Variants in TCF7L1 observed in about 807,000 individuals in gnomAD.
The protein encoded by TCF7L1 is transcription factor 7 like 1, also known as transcription factor 7-like 1.
A neutral mutation model predicts 63.7 loss-of-function variants in TCF7L1; 18 were observed. That is an observed-to-expected ratio of 0.28 (90% CI 0.20 to 0.42). TCF7L1 has a LOEUF of 0.42. Ranked by LOEUF, TCF7L1 falls within the 10% of genes least tolerant of loss-of-function variation. The pLI is 1.00. For missense variants in TCF7L1, 654 were observed against 779.3 expected, an observed-to-expected ratio of 0.84 and a Z score of 1.91; for synonymous variants, 355 against 340.9, an observed-to-expected ratio of 1.04 and a Z score of -0.46.
chr2:85,294,327 C>T (rs1368781240), intron 4 of TCF7L1, among the ~76,000 whole-genome samples: 6 of 152,090 alleles, frequency 3.9e-5, no homozygotes, highest in Non-Finnish European at 7.4e-5. Context: ...TGAGCCACCA[C>T]GCCTGGCCGA....
chr2:85,276,519 T>C (rs973268163), intron 3 of TCF7L1, among the ~76,000 whole-genome samples: 4 of 152,226 alleles, frequency 2.6e-5, no homozygotes, highest in South Asian at 2.1e-4. Context: ...AAATGAAAAA[T>C]GTGAAGAAGC....
intron 3 of TCF7L1, among the ~76,000 whole-genome samples, chr2:85,267,604 G>A (rs1260992725): frequency 8.9e-5 from 13 of 145,962 alleles, no homozygotes; most frequent in African/African-American, 2.5e-4. Flanking sequence ...AGCCAAGATC[G>A]CACCATTGCA....
rs575367683 is a variant in TCF7L1 at position 85,306,662 on chromosome 2, A to C, written c.1257+103A>C. The C allele has an allele frequency of 8.0e-4, 759 of 944,762 alleles. 2 individuals carry two copies. Among genetic ancestry groups the C allele is most frequent in the Non-Finnish European group, 1.1e-3 (693 of 643,998 alleles). 58.5% of individuals were successfully genotyped at this position (944,762 alleles called of 1,614,324 possible). On this transcript the variant is annotated intron_variant, in intron 10 of 11. Transcript: ENST00000282111. This position sits in a 1 kb window ranked among gnomAD's most constrained non-coding sequence, Gnocchi z 4.3. ...AACTGCATTTATTTTTATTTATTTT[A>C]TTTTCTTTTATTTTTTGAGACAGAG...
At chr2:85,147,318 C>T (rs1156260554) in intron 3 of TCF7L1, among the ~76,000 whole-genome samples, 2 of 152,144 alleles carry the variant, frequency 1.3e-5, no homozygotes, top group Middle Eastern at 3.2e-3. Flanking sequence ...AATACTCTCA[C>T]CCTGTCCTCA....
At chr2:85,140,440 G>T (rs1677699731) in intron 3 of TCF7L1, among the ~76,000 whole-genome samples, 1 of 150,762 alleles carries the variant, frequency 6.6e-6, no homozygotes, top group African/African-American at 2.5e-5. Context: ...CATTGGGTAA[G>T]GTAGGAGAAG....
chr2:85,236,559 G>A (rs1438400980), intron 3 of TCF7L1, among the ~76,000 whole-genome samples: 1 of 152,188 alleles, frequency 6.6e-6, no homozygotes, highest in African/African-American at 2.4e-5. Flanking sequence ...GTGAGAGACA[G>A]GTGCTGGGCT....
At chr2:85,289,966 G>T (rs925934201) in intron 4 of TCF7L1, among the ~76,000 whole-genome samples, 1 of 127,996 alleles carries the variant, frequency 7.8e-6, no homozygotes, top group Non-Finnish European at 1.6e-5. Context: ...GAGCCACCAC[G>T]CCTAGCCCAG....
intron 3 of TCF7L1, among the ~76,000 whole-genome samples, chr2:85,146,308 C>T (rs907908085): frequency 6.6e-6 from 1 of 152,112 alleles, no homozygotes; most frequent in Non-Finnish European, 1.5e-5. Flanking sequence ...AGCATTCCAG[C>T]TGTGGGGGAT....
rs144471708 is a variant in TCF7L1, at chr2:85,258,406, A to G, written c.442-25089A>G. Among the ~76,000 whole-genome samples, 11 of 152,188 alleles carry G rather than the reference A, an allele frequency of 7.2e-5. No individual in the cohort carries two copies. The East Asian group carries it at 7.7e-4, about 11-fold the overall frequency. On this transcript the variant is annotated intron_variant, in intron 3 of 11. Transcript: ENST00000282111. ...CACCAAGCCACTGGTGTGCACACCT[A>G]TAGGTTGAGATAGGGGGCTCGCGTT...
At chr2:85,202,260 G>A (rs181616327) in intron 3 of TCF7L1, among the ~76,000 whole-genome samples, 7 of 152,130 alleles carry the variant, frequency 4.6e-5, no homozygotes, top group East Asian at 1.9e-4. Flanking sequence ...CACCATGCCC[G>A]GGCTCTTTTG....
At chr2:85,277,887 T>C (rs1681312845) in intron 3 of TCF7L1, among the ~76,000 whole-genome samples, 1 of 151,822 alleles carries the variant, frequency 6.6e-6, no homozygotes, top group Admixed American at 6.6e-5. Context: ...CCCTGTAGAG[T>C]CCTGTCCACA....
chr2:85,238,905 C>T (rs1337645392), intron 3 of TCF7L1, among the ~76,000 whole-genome samples: 2 of 151,552 alleles, frequency 1.3e-5, no homozygotes, highest in African/African-American at 2.4e-5. Flanking sequence ...CTGCTGACTC[C>T]GCCTCCCGAG....
Position 85,133,741 on chromosome 2 carries a change from C to A in TCF7L1, c.57C>A (p.Gly19=). The A allele has an allele frequency of 2.5e-6, 3 of 1,223,572 alleles. No homozygotes were observed. Among genetic ancestry groups the A allele is most frequent in the East Asian group, 3.2e-5 (1 of 31,076 alleles). 75.8% of individuals were successfully genotyped at this position (1,223,572 alleles called of 1,614,324 possible). ...GCGGCGGCGGCAGCGGGGGAGGCGG[C>A]GGCTCCAGCGCCGGGGCGGCCGGCG... is the stretch of plus-strand genomic sequence containing the variant. ...GGGGGGSGGG[G]GSSAGAAGGG... is the part of the protein sequence containing the mutation. The change falls in exon 1 of 12, where the codon GGC becomes GGA. Residue 19 remains glycine, a synonymous_variant. Coordinates refer to ENST00000282111, the MANE Select transcript of TCF7L1 (RefSeq NM_031283.3). The surrounding 1 kb of genome is among the most constrained non-coding windows in gnomAD (Gnocchi z 4.4).
intron 3 of TCF7L1, among the ~76,000 whole-genome samples, chr2:85,141,226 G>A (rs1047722606): frequency 1.3e-5 from 2 of 152,162 alleles, no homozygotes; most frequent in African/African-American, 4.8e-5. Context: ...CAGACAGTGA[G>A]ACCCTGTCTC....
intron 4 of TCF7L1, among the ~76,000 whole-genome samples, chr2:85,293,795 G>A (rs1681778391): frequency 6.6e-6 from 1 of 152,152 alleles, no homozygotes; most frequent in Non-Finnish European, 1.5e-5. Flanking sequence ...TCCTGTCAGA[G>A]TTTAGCATCT....
chr2:85,239,151 G>A (rs1680265006), intron 3 of TCF7L1, among the ~76,000 whole-genome samples: 1 of 152,104 alleles, frequency 6.6e-6, no homozygotes, highest in African/African-American at 2.4e-5. Flanking sequence ...GGAAGGAAGG[G>A]TTAAGAGTTG....
intron 3 of TCF7L1, chr2:85,186,893 A>C (rs2568206): frequency 0.23 from 35,466 of 152,220 alleles, 4,778 homozygotes; most frequent in Non-Finnish European, 0.31. Context: ...GAGGAAAGGT[A>C]AACAACAACG....
Position 85,283,493 on chromosome 2 carries a change from A to C in TCF7L1, c.442-2A>C, listed in dbSNP as rs776108549. 2 of 1,614,022 alleles carry C rather than the reference A, an allele frequency of 1.2e-6. No individual in the cohort carries two copies. The highest frequency in any genetic ancestry group is 2.7e-5 in the African/African-American group (2 of 74,910). On this transcript the variant is annotated splice_acceptor_variant, in intron 3 of 11. Coordinates refer to ENST00000282111, the MANE Select transcript of TCF7L1 (RefSeq NM_031283.3). LOFTEE classifies it high-confidence loss of function. ...GCTTTTTCTTTTCTGTTCCCTGTGC[A>C]GTACCTGCAGATGAAATGGCCCCTC...
chr2:85,150,664 A>G (rs1677989013), intron 3 of TCF7L1, among the ~76,000 whole-genome samples: 1 of 148,384 alleles, frequency 6.7e-6, no homozygotes, highest in African/African-American at 2.5e-5. Context: ...GGGTGTTCTT[A>G]TTGTATCTCC....
Sources: gnomAD v4.1 joint callset for allele counts (sites outside exome capture counted in the v4.1 genomes callset) on GRCh38, gnomAD v4.1.1 for gene constraint, Gnocchi (gnomAD v3.1) non-coding constraint, MANE v1.5 for transcripts, NCBI Gene and HGNC (gene_info 2026-07-23, HGNC 2026-07-21) for gene names.